Variants in CABIN1 observed in about 807,000 individuals in gnomAD.
The protein encoded by CABIN1 is calcineurin binding protein 1, also known as calcineurin-binding protein cabin-1.
A neutral mutation model predicts 227.7 loss-of-function variants in CABIN1; 133 were observed. The ratio of observed to expected loss-of-function variants is 0.58; its 90% CI spans 0.51 to 0.67. The LOEUF is 0.67. Among genes scored for constraint, CABIN1 ranks in the 30% least tolerant of loss-of-function variants. The pLI, the probability that CABIN1 is intolerant of heterozygous loss-of-function variation, is 0.00. For synonymous variants in CABIN1, 1,086 were observed against 1,155.1 expected (o/e 0.94, Z 1.21); for missense variants, 2,408 against 2,852.5 (o/e 0.84, Z 3.55).
In CABIN1 at chr22:24,172,060, G is replaced by T. The variant is rs886933112; in HGVS notation, c.6040+65G>T. On this transcript the variant is annotated intron_variant, in intron 34 of 36. Coordinates refer to ENST00000263119, the MANE Select transcript of CABIN1 (RefSeq NM_012295.4). Reference sequence around the variant, plus strand: ...GCCACCATCAAGTCCTCCCTGCGGGGAGAGTGTGAGTATGGGTAAGGGAGG... The same window carrying T: ...GCCACCATCAAGTCCTCCCTGCGGGTAGAGTGTGAGTATGGGTAAGGGAGG... 8 of 1,549,362 alleles carry T rather than the reference G, an allele frequency of 5.2e-6. No homozygotes were observed. The East Asian group carries it at 1.9e-4, about 37-fold the overall frequency.
intron 19 of CABIN1, among the ~76,000 whole-genome samples, chr22:24,081,695 T>A: frequency 6.6e-6 from 1 of 152,172 alleles, no homozygotes; most frequent in East Asian, 1.9e-4. Flanking sequence ...TATTTTAGTA[T>A]TCACTCTTTT....
chr22:24,166,859 A>G lies in CABIN1; in HGVS notation c.5228A>G (p.Gln1743Arg), dbSNP rs779172362. Reference protein sequence around the residue: ...VAMDAGDSADQSGERKDKESP... With the variant: ...VAMDAGDSADRSGERKDKESP... The stretch of plus-strand genomic sequence containing the variant: ...ATGGATGCAGGAGACAGTGCAGACC[A>G]AAGCGGGGAGCGGAAGGATAAAGAG... The change falls in exon 32 of 37, where the codon CAA (glutamine) becomes CGA (arginine). Residue 1743 changes from glutamine (Q) to arginine (R), a missense_variant. Physicochemically the swap from Gln to Arg is conservative, Grantham distance 43. Transcript: ENST00000263119. The G allele has an allele frequency of 6.2e-7, 1 of 1,612,766 alleles. No individual in the cohort carries two copies. The highest frequency in any genetic ancestry group is 2.2e-5 in the East Asian group (1 of 44,884).
intron 19 of CABIN1, among the ~76,000 whole-genome samples, 176 bp from the exon 20 acceptor site, chr22:24,083,052 A>T (rs780548851): frequency 3.3e-5 from 5 of 152,246 alleles, no homozygotes; most frequent in Non-Finnish European, 7.3e-5. Context: ...TATTAGGATA[A>T]CAAGACTTTT....
rs766646227 is a variant in CABIN1 at position 24,083,322 on chromosome 22, A to G, written c.2843A>G (p.Tyr948Cys). 3.7e-6 allele frequency: 6 copies of G among 1,613,880 alleles called. No homozygotes were observed. The highest frequency in any genetic ancestry group is 5.1e-6 in the Non-Finnish European group (6 of 1,180,022). ...ELETALEQCF[Y>C]CLYSFPSKKS... ...GAGACAGCCTTGGAGCAGTGCTTCT[A>G]CTGCCTGTACAGCTTCCCCAGCAAG... The change falls in exon 20 of 37, where the codon TAC (tyrosine) becomes TGC (cysteine). Residue 948 changes from tyrosine (Y) to cysteine (C), a missense_variant. Around this residue, in one of 3 missense-constraint regions of CABIN1, gnomAD observed 649 missense variants for 910.3 expected, o/e 0.71. Coordinates refer to ENST00000263119, the MANE Select transcript of CABIN1 (RefSeq NM_012295.4).
At chr22:24,059,806 T>C (rs1195561945) in intron 11 of CABIN1, 118 bp from the exon 12 acceptor site, 1 of 895,788 alleles carries the variant, frequency 1.1e-6, no homozygotes, top group Non-Finnish European at 1.8e-6. Context: ...TGGTATCATG[T>C]CCACCTGGAT....
chr22:24,017,647 A>G (rs1405115312), intron 1 of CABIN1, among the ~76,000 whole-genome samples: 2 of 152,206 alleles, frequency 1.3e-5, no homozygotes, highest in African/African-American at 4.8e-5. Context: ...ACGTTGTAGC[A>G]TATTTCGGAA....
intron 28 of CABIN1, among the ~76,000 whole-genome samples, chr22:24,130,545 C>T (rs552994719): frequency 6.6e-6 from 1 of 152,168 alleles, no homozygotes; most frequent in Non-Finnish European, 1.5e-5. Flanking sequence ...TACCTCACTA[C>T]ACCACGAAGC....
intron 24 of CABIN1, among the ~76,000 whole-genome samples, chr22:24,095,694 A>G (rs999741203): frequency 5.3e-5 from 8 of 152,204 alleles, no homozygotes; most frequent in Non-Finnish European, 1.2e-4. Flanking sequence ...TCTCACTACC[A>G]TGTGCCTGAG....
Position 24,075,634 on chromosome 22 carries a change from A to G in CABIN1, c.2633-535A>G, listed in dbSNP as rs1027884106. ...GTAGCTCGCGCCTGTAGTCCCAGCT[A>G]CTCAGGAGACTGAGGCAGGAAGATT... On this transcript the variant is annotated intron_variant, in intron 18 of 36. Coordinates refer to ENST00000263119, the MANE Select transcript of CABIN1 (RefSeq NM_012295.4). Among the ~76,000 whole-genome samples the G allele has an allele frequency of 2.6e-5, 4 of 151,934 alleles. No individual in the cohort carries two copies. In the East Asian group the frequency reaches 5.8e-4, roughly 22 times the overall value.
chr22:24,171,735 C>T lies in CABIN1; in HGVS notation c.5780C>T (p.Thr1927Ile). 6.2e-7 allele frequency: 1 copy of T among 1,614,180 alleles called. No individual in the cohort carries two copies. The highest frequency in any genetic ancestry group is 1.3e-5 in the African/African-American group (1 of 75,070). Residue 1927 changes from threonine to isoleucine, a missense_variant, in exon 34 of 37, where the codon ACT (threonine) becomes ATT (isoleucine). This residue lies in a region of CABIN1 where 714 missense variants were observed against 773.8 expected (regional missense o/e 0.92). Transcript: ENST00000263119. ...CAGGCCTCGGGGGACACCCCCACCA[C>T]TCCAAAGCACCCCAAAGACAGCCGA... is the stretch of plus-strand genomic sequence containing the variant. ...QRQASGDTPT[T>I]PKHPKDSREN...
At chr22:24,122,976 A>AC (rs2043508894) in intron 28 of CABIN1, among the ~76,000 whole-genome samples, 1 of 152,172 alleles carries the variant, frequency 6.6e-6, no homozygotes, top group African/African-American at 2.4e-5. Context: ...ACAGAGCCAG[A>AC]CATCAGCCCC....
chr22:24,106,250 C>A (rs2042509473), intron 26 of CABIN1, among the ~76,000 whole-genome samples: 1 of 152,252 alleles, frequency 6.6e-6, no homozygotes, highest in Non-Finnish European at 1.5e-5. Context: ...CTCCCAGAAG[C>A]CTTCCCTGTG....
intron 1 of CABIN1, among the ~76,000 whole-genome samples, chr22:24,026,706 G>T (rs2036116044): frequency 6.6e-6 from 1 of 151,970 alleles, no homozygotes; most frequent in South Asian, 2.1e-4. Flanking sequence ...TTTTCATTTG[G>T]GTTCTTATGG....
In CABIN1 at chr22:24,177,238, C is replaced by T. The variant is rs928399489; in HGVS notation, c.6206-266C>T. On this transcript the variant is annotated intron_variant, in intron 35 of 36. Coordinates refer to ENST00000263119, the MANE Select transcript of CABIN1 (RefSeq NM_012295.4). This position sits in a 1 kb window ranked among gnomAD's most constrained non-coding sequence, Gnocchi z 4.4. ...AGGTCTTACAGAACCCAGCAAGGCTCAGGGAGTCTCAGGTCCTGGGCTTTG... is the reference window on the plus strand; with the variant it reads ...AGGTCTTACAGAACCCAGCAAGGCTTAGGGAGTCTCAGGTCCTGGGCTTTG... 3.3e-5 allele frequency among the ~76,000 whole-genome samples: 5 copies of T among 152,202 alleles called. No individual in the cohort carries two copies. Among genetic ancestry groups the T allele is most frequent in the African/African-American group, 1.2e-4 (5 of 41,450 alleles).
intron 1 of CABIN1, among the ~76,000 whole-genome samples, chr22:24,014,745 A>G (rs1601614112): frequency 6.6e-6 from 1 of 152,112 alleles, no homozygotes; most frequent in Non-Finnish European, 1.5e-5. Flanking sequence ...ACAAAGGTAT[A>G]CTCAGAGAAG....
intron 1 of CABIN1, among the ~76,000 whole-genome samples, chr22:24,030,246 C>A (rs796988613): frequency 7.2e-5 from 11 of 152,228 alleles, no homozygotes; most frequent in African/African-American, 2.6e-4. Flanking sequence ...CTGTGCATGT[C>A]CAGGGGCAGG....
intron 24 of CABIN1, among the ~76,000 whole-genome samples, chr22:24,093,930 A>G (rs1032106479): frequency 6.6e-5 from 10 of 152,166 alleles, no homozygotes; most frequent in African/African-American, 2.4e-4. Flanking sequence ...CACTGGGCTC[A>G]TGGAGAAGTG....
chr22:24,021,354 C>G (rs2035715126), intron 1 of CABIN1, among the ~76,000 whole-genome samples: 1 of 152,140 alleles, frequency 6.6e-6, no homozygotes, highest in Non-Finnish European at 1.5e-5. Flanking sequence ...GACAGGGTCT[C>G]ACTATGTTGC....
chr22:24,015,841 C>A (rs1476973406), intron 1 of CABIN1, among the ~76,000 whole-genome samples: 1 of 151,956 alleles, frequency 6.6e-6, no homozygotes, highest in African/African-American at 2.4e-5. Context: ...GCATGTAGTC[C>A]CAGCTACCCG....
Sources: allele counts gnomAD v4.1 joint callset (sites outside exome capture counted in the v4.1 genomes callset), GRCh38; gene constraint gnomAD v4.1.1; regional missense constraint gnomAD v4.1.1; non-coding constraint Gnocchi (gnomAD v3.1); transcripts MANE v1.5; gene names NCBI Gene and HGNC (gene_info 2026-07-23, HGNC 2026-07-21).